PRKN: variants seen among roughly 807,000 people sequenced by gnomAD.
PRKN encodes parkin RBR E3 ubiquitin protein ligase, also known as E3 ubiquitin-protein ligase parkin.
A neutral mutation model predicts 59.5 loss-of-function variants in PRKN; 56 were observed. The observed-to-expected ratio is 0.94, with a 90% CI of 0.76 to 1.18. The LOEUF (loss-of-function observed/expected upper bound fraction) is 1.18, where lower values mean the gene tolerates loss of function less well. Among genes scored for constraint, PRKN ranks in the 50% most tolerant of loss-of-function variants. PRKN has a pLI of 0.00. For missense variants in PRKN, 657 were observed against 596.4 expected (o/e 1.10, Z -1.06); for synonymous variants, 250 against 222.1 (o/e 1.13, Z -1.12).
rs939137683 is a variant in PRKN, at chr6:161,377,172, A to C, written c.1167+9622T>G. Among the ~76,000 whole-genome samples the C allele has an allele frequency of 2.0e-5, 3 of 152,248 alleles. No homozygotes were observed. Among genetic ancestry groups the C allele is most frequent in the Admixed American group, 1.3e-4 (2 of 15,286 alleles). ...CCAGCAAAGATTTTGGGGGTTCAGC[A>C]GCTGAGAACGATGGACCATTTGAAA... On this transcript the variant is annotated intron_variant, in intron 10 of 11. Transcript: ENST00000366898. This position sits in a 1 kb window ranked among gnomAD's most constrained non-coding sequence, Gnocchi z 4.2.
At chr6:161,678,027 C>A (rs1219148090) in intron 7 of PRKN, among the ~76,000 whole-genome samples, 1 of 151,972 alleles carries the variant, frequency 6.6e-6, no homozygotes, top group South Asian at 2.1e-4. Context: ...GTCTAGATAA[C>A]CTTAACCTCA....
chr6:161,921,034 T>G (rs934910940), intron 6 of PRKN, among the ~76,000 whole-genome samples: 3 of 152,218 alleles, frequency 2.0e-5, no homozygotes, highest in African/African-American at 7.2e-5. Context: ...TCTTAATTTT[T>G]AAAACTCTGA....
In PRKN at chr6:162,080,804, G is replaced by A. The variant is rs182264542; in HGVS notation, c.535-26630C>T. Among the ~76,000 whole-genome samples the A allele has an allele frequency of 3.2e-3, 482 of 152,154 alleles. 3 individuals carry two copies. Among genetic ancestry groups the A allele is most frequent in the Non-Finnish European group, 5.2e-3 (357 of 68,018 alleles). On this transcript the variant is annotated intron_variant, in intron 4 of 11. Transcript: ENST00000366898. Reference sequence around the variant, plus strand: ...TCTTCATTTCATAAAAGATTTCTCTGTAGCATGTCATTCTGTCTGACAGCA... The same window carrying A: ...TCTTCATTTCATAAAAGATTTCTCTATAGCATGTCATTCTGTCTGACAGCA...
intron 7 of PRKN, among the ~76,000 whole-genome samples, chr6:161,662,380 A>G (rs1303518416): frequency 1.3e-5 from 2 of 152,118 alleles, no homozygotes; most frequent in Non-Finnish European, 2.9e-5. Flanking sequence ...GGATGGGAGA[A>G]TGGACTTTGT....
intron 1 of PRKN, among the ~76,000 whole-genome samples, chr6:162,448,429 C>T (rs1236079100): frequency 6.6e-6 from 1 of 152,156 alleles, no homozygotes; most frequent in Non-Finnish European, 1.5e-5. Context: ...CGTGAGCCAA[C>T]ACTTGAAGAC....
intron 6 of PRKN, among the ~76,000 whole-genome samples, chr6:161,877,664 T>C (rs1044495487): frequency 7.2e-5 from 11 of 151,988 alleles, no homozygotes; most frequent in Admixed American, 7.2e-4. Context: ...GAGACAGGGT[T>C]ACACCGTGTT....
Position 161,448,464 on chromosome 6 carries a change from T to C in PRKN, c.1084-61587A>G, listed in dbSNP as rs1210326298. Among the ~76,000 whole-genome samples, 2 of 152,214 alleles carry C rather than the reference T, an allele frequency of 1.3e-5. No individual in the cohort carries two copies. The highest frequency in any genetic ancestry group is 2.4e-5 in the African/African-American group (1 of 41,452). ...CATATCCACATCTTAGATTTAATGC[T>C]GATTTCGGGGGGCATTTTTGCTTCA... On this transcript the variant is annotated intron_variant, in intron 9 of 11. Coordinates refer to ENST00000366898, the MANE Select transcript of PRKN (RefSeq NM_004562.3). The surrounding 1 kb of genome is among the most constrained non-coding windows in gnomAD (Gnocchi z 5.1).
chr6:162,357,344 A>G (rs924471808), intron 2 of PRKN, among the ~76,000 whole-genome samples: 3 of 152,320 alleles, frequency 2.0e-5, no homozygotes, highest in Admixed American at 2.0e-4. Context: ...CAAAGGAAAA[A>G]TAAAGAAATA....
At chr6:162,485,870 T>C (rs144605038) in intron 1 of PRKN, among the ~76,000 whole-genome samples, 1 of 152,310 alleles carries the variant, frequency 6.6e-6, no homozygotes, top group Non-Finnish European at 1.5e-5. Context: ...CTGGAGAACC[T>C]GAAGGAGCTA....
chr6:162,021,244 T>C (rs1783173113), intron 5 of PRKN, among the ~76,000 whole-genome samples: 1 of 103,918 alleles, frequency 9.6e-6, no homozygotes, highest in South Asian at 3.7e-4. Flanking sequence ...ATATATAATG[T>C]ACTTAATTGA....
chr6:162,253,948 T>G (rs1246128307), intron 3 of PRKN, among the ~76,000 whole-genome samples: 3 of 152,084 alleles, frequency 2.0e-5, no homozygotes, highest in Admixed American at 6.6e-5. Context: ...ATAAAGAAAT[T>G]ACATGGCAAA....
At chr6:162,369,862 C>G (rs1562707728) in intron 2 of PRKN, among the ~76,000 whole-genome samples, 3 of 152,156 alleles carry the variant, frequency 2.0e-5, no homozygotes, top group Non-Finnish European at 4.4e-5. Flanking sequence ...AGTTAGCCAA[C>G]CCTGAAGGTA....
chr6:161,850,385 C>G (rs1330139200), intron 6 of PRKN, among the ~76,000 whole-genome samples: 1 of 151,940 alleles, frequency 6.6e-6, no homozygotes, highest in Non-Finnish European at 1.5e-5. Flanking sequence ...AGAGACCATC[C>G]TGGCCAACAT....
chr6:162,262,577 A>T lies in PRKN; in HGVS notation c.360T>A (p.Ala120=). ...TCCTGCTGTCAGTGTGCAGAATGAC[A>T]GCCAGCCCCACAGAGTCTCCTGGGA... ...SVLPGDSVGL[A]VILHTDSRKD... The change falls in exon 3 of 12, where the codon GCT becomes GCA. Residue 120 remains alanine (A), a synonymous_variant. Transcript: ENST00000366898. 1 of 1,613,234 alleles carries T rather than the reference A, an allele frequency of 6.2e-7. No homozygotes were observed. Among genetic ancestry groups the T allele is most frequent in the East Asian group, 2.2e-5 (1 of 44,872 alleles).
chr6:162,365,075 T>A (rs1785363233), intron 2 of PRKN, among the ~76,000 whole-genome samples: 1 of 150,918 alleles, frequency 6.6e-6, no homozygotes, highest in South Asian at 2.1e-4. Context: ...TACTAAGCAT[T>A]TTTTTTTACA....
chr6:162,710,891 C>G (rs1305213293), intron 1 of PRKN, among the ~76,000 whole-genome samples: 1 of 152,172 alleles, frequency 6.6e-6, no homozygotes, highest in Non-Finnish European at 1.5e-5. Context: ...CCTTCCTGGT[C>G]AAATGGAAAT....
At chr6:162,494,833 G>A (rs1043160484) in intron 1 of PRKN, among the ~76,000 whole-genome samples, 12 of 152,228 alleles carry the variant, frequency 7.9e-5, no homozygotes, top group South Asian at 4.1e-4. Flanking sequence ...TGCCTATGTC[G>A]TACCAGGGAC....
In PRKN at chr6:162,545,244, C is replaced by T. The variant is rs555929286; in HGVS notation, c.8-101771G>A. 1.8e-4 allele frequency among the ~76,000 whole-genome samples: 28 copies of T among 152,056 alleles called. No homozygotes were observed. The South Asian group carries it at 5.2e-3, about 28-fold the overall frequency. On this transcript the variant is annotated intron_variant, in intron 1 of 11. Transcript: ENST00000366898. ...CGGAGGTTGCAGTGAGCCAAGATCA[C>T]GCCACTGCACTCCAGCCTGGGCAAC... is the stretch of plus-strand genomic sequence containing the variant.
At chr6:162,346,216 C>T (rs1255437346) in intron 2 of PRKN, among the ~76,000 whole-genome samples, 4 of 152,114 alleles carry the variant, frequency 2.6e-5, no homozygotes, top group Non-Finnish European at 5.9e-5. Context: ...TTTCAGTGGA[C>T]TGGTCATAAT....
Sources: gnomAD v4.1 joint callset for allele counts (sites outside exome capture counted in the v4.1 genomes callset) on GRCh38, gnomAD v4.1.1 for gene constraint, Gnocchi (gnomAD v3.1) non-coding constraint, MANE v1.5 for transcripts, NCBI Gene and HGNC (gene_info 2026-07-23, HGNC 2026-07-21) for gene names.